Variants in TMTC2 observed in about 807,000 individuals in gnomAD.
The protein encoded by TMTC2 is transmembrane O-mannosyltransferase targeting cadherins 2, also known as protein O-mannosyl-transferase TMTC2.
Under a neutral mutation model 82.4 loss-of-function variants are expected in TMTC2, and 43 were observed. That is an observed-to-expected ratio of 0.52 (90% CI 0.41 to 0.67). The LOEUF is 0.67. TMTC2 is among the 30% of genes least tolerant of loss of function. TMTC2 has a pLI of 0.00. For synonymous variants in TMTC2, 408 were observed against 381.9 expected, an observed-to-expected ratio of 1.07 and a Z score of -0.80; for missense variants, 919 against 1,012.4, an observed-to-expected ratio of 0.91 and a Z score of 1.25.
intron 4 of TMTC2, among the ~76,000 whole-genome samples, chr12:82,932,244 G>T (rs1445156728): frequency 1.3e-5 from 2 of 152,184 alleles, no homozygotes; most frequent in African/African-American, 4.8e-5. Flanking sequence ...TTGACTTCGT[G>T]TTTAACCTCG....
intron 1 of TMTC2, among the ~76,000 whole-genome samples, chr12:82,703,240 G>C (rs1873165778): frequency 6.6e-6 from 1 of 152,032 alleles, no homozygotes; most frequent in Non-Finnish European, 1.5e-5. Flanking sequence ...TAGTAATTGG[G>C]TTTTTCCACT....
At chr12:82,965,440 G>A in intron 5 of TMTC2, 120 bp from the exon 6 acceptor site, 3 of 1,004,562 alleles carry the variant, frequency 3.0e-6, no homozygotes, top group Non-Finnish European at 2.9e-6. Context: ...TGTGTCATAA[G>A]TATTTTTTTC....
intron 11 of TMTC2, among the ~76,000 whole-genome samples, chr12:83,102,077 C>T (rs543295415): frequency 6.6e-6 from 1 of 152,268 alleles, no homozygotes; most frequent in East Asian, 1.9e-4. Flanking sequence ...GGCATTATCT[C>T]CTTGGAACTG....
intron 1 of TMTC2, among the ~76,000 whole-genome samples, chr12:82,774,237 GTATGTGTGTGTA>G (rs1173480655): frequency 6.6e-6 from 1 of 152,100 alleles, no homozygotes; most frequent in Admixed American, 6.5e-5. Context: ...GTATATATGT[GTATGTGTGTGTA>G]TATGTGTGTA....
At chr12:82,997,346 G>GTATATATATATATGTGTA (rs1221254720) in intron 8 of TMTC2, among the ~76,000 whole-genome samples, 1 of 29,178 alleles carries the variant, frequency 3.4e-5, no homozygotes, top group African/African-American at 8.9e-5. Flanking sequence ...GTGTGTGTGT[G>GTATATATATATATGTGTA]TGTATATATA....
At chr12:82,990,666 A>G (rs1232836555) in intron 8 of TMTC2, among the ~76,000 whole-genome samples, 1 of 152,050 alleles carries the variant, frequency 6.6e-6, no homozygotes, top group Non-Finnish European at 1.5e-5. Context: ...GACACTAGAT[A>G]TGGGGCAGGG....
intron 9 of TMTC2, among the ~76,000 whole-genome samples, chr12:83,037,729 C>G (rs1881720492): frequency 6.6e-6 from 1 of 151,806 alleles, no homozygotes; most frequent in Admixed American, 6.6e-5. Flanking sequence ...AGATACTTTC[C>G]AAAGGCTTTT....
intron 11 of TMTC2, among the ~76,000 whole-genome samples, chr12:83,102,879 C>G (rs1330849768): frequency 6.6e-6 from 1 of 152,152 alleles, no homozygotes; most frequent in East Asian, 1.9e-4. Flanking sequence ...CTAAACTATT[C>G]CAAAGCCAAC....
At chr12:82,857,643 C>T (rs1399269518) in intron 2 of TMTC2, 63 bp downstream of exon 2, 1 of 1,468,320 alleles carries the variant, frequency 6.8e-7, no homozygotes, top group Non-Finnish European at 9.1e-7. Flanking sequence ...ACTCCTTTGC[C>T]ACCATTTAAA....
In TMTC2 at chr12:83,025,445, CATT is replaced by C. The variant is rs548014881; in HGVS notation, c.2071-5349_2071-5347del. On this transcript the variant is annotated intron_variant, in intron 8 of 11. Transcript: ENST00000321196. ...TTTATATTTATGTATAGTAGAAAAA[CATT>C]ATTTTCTCCTATTATACTCTCAACC... Among the ~76,000 whole-genome samples the C allele has an allele frequency of 4.8e-3, 724 of 151,196 alleles. 21 individuals are homozygous for C. Among genetic ancestry groups the C allele is most frequent in the Admixed American group, 0.046 (694 of 15,126 alleles).
intron 3 of TMTC2, among the ~76,000 whole-genome samples, chr12:82,898,807 A>T (rs1246392700): frequency 6.6e-6 from 1 of 152,190 alleles, no homozygotes; most frequent in Non-Finnish European, 1.5e-5. Flanking sequence ...GAAGGCTGGG[A>T]AATGTTATCT....
chr12:82,753,240 A>C (rs1044951487), intron 1 of TMTC2, among the ~76,000 whole-genome samples: 1 of 151,334 alleles, frequency 6.6e-6, no homozygotes, highest in African/African-American at 2.4e-5. Context: ...TGTAAAATCT[A>C]TTTTATAGAC....
At chr12:82,766,783 C>CTATTTATTTATTTATT (rs10645376) in intron 1 of TMTC2, among the ~76,000 whole-genome samples, 71 of 151,392 alleles carry the variant, frequency 4.7e-4, no homozygotes, top group African/African-American at 1.5e-3. Flanking sequence ...GTTGATTCTT[C>CTATTTATTTATTTATT]TATTTATTTA....
intron 1 of TMTC2, among the ~76,000 whole-genome samples, chr12:82,778,490 C>G (rs1877711177): frequency 6.6e-6 from 1 of 152,020 alleles, no homozygotes; most frequent in Non-Finnish European, 1.5e-5. Flanking sequence ...CCAAGGCGAG[C>G]AGATCACAAG....
At chr12:82,701,196 A>G (rs531624352) in intron 1 of TMTC2, among the ~76,000 whole-genome samples, 2 of 152,312 alleles carry the variant, frequency 1.3e-5, no homozygotes, top group South Asian at 2.1e-4. Context: ...TACAGTATAT[A>G]TCTTAGGTAA....
At chr12:82,954,294 G>A (rs1022256825) in intron 4 of TMTC2, among the ~76,000 whole-genome samples, 3 of 151,906 alleles carry the variant, frequency 2.0e-5, no homozygotes, top group Non-Finnish European at 4.4e-5. Flanking sequence ...TCTTCTCTAG[G>A]AACTTCACCT....
At chr12:82,852,136 C>G (rs930398774) in intron 1 of TMTC2, among the ~76,000 whole-genome samples, 2 of 147,702 alleles carry the variant, frequency 1.4e-5, no homozygotes, top group African/African-American at 2.5e-5. Flanking sequence ...GAGTCTCGCT[C>G]TGTCGCCCAG....
chr12:82,801,539 A>T (rs1036253833), intron 1 of TMTC2, among the ~76,000 whole-genome samples: 3 of 152,100 alleles, frequency 2.0e-5, no homozygotes, highest in Non-Finnish European at 4.4e-5. Context: ...GGTCTGTTTT[A>T]CAGAGAGCTG....
At chr12:82,822,261 A>G (rs1383179930) in intron 1 of TMTC2, among the ~76,000 whole-genome samples, 1 of 152,174 alleles carries the variant, frequency 6.6e-6, no homozygotes, top group African/African-American at 2.4e-5. Context: ...CATAGAAGGT[A>G]CAACACGAAG....
Sources: gnomAD v4.1 joint callset for allele counts (sites outside exome capture counted in the v4.1 genomes callset) on GRCh38, gnomAD v4.1.1 for gene constraint, MANE v1.5 for transcripts, NCBI Gene and HGNC (gene_info 2026-07-23, HGNC 2026-07-21) for gene names.